The following DOCK9 variants were observed in gnomAD, a reference collection of about 807,000 sequenced individuals.
DOCK9 encodes dedicator of cytokinesis protein 9.
In DOCK9, 89 loss-of-function variants were observed where a neutral mutation model predicts 263.3. The observed-to-expected ratio is 0.34, with a 90% CI of 0.28 to 0.40. The LOEUF (loss-of-function observed/expected upper bound fraction) is 0.40. Ranked by LOEUF, DOCK9 falls within the 10% of genes least tolerant of loss-of-function variation. The pLI is 1.00. For missense variants in DOCK9, 2,140 were observed against 2,603.4 expected (o/e 0.82, Z 3.87); for synonymous variants, 976 against 973.1 (o/e 1.00, Z -0.06).
upstream of DOCK9, among the ~76,000 whole-genome samples, chr13:98,980,542 T>G (rs1876945788): frequency 6.6e-6 from 1 of 152,262 alleles, no homozygotes; most frequent in African/African-American, 2.4e-5. Flanking sequence ...GCTTTAACCC[T>G]ATCATGGAAG....
At chr13:99,082,397 T>C (rs1366265236) in intron 1 of DOCK9, among the ~76,000 whole-genome samples, 1 of 150,764 alleles carries the variant, frequency 6.6e-6, no homozygotes, top group Non-Finnish European at 1.5e-5. Flanking sequence ...TGGGCGCCTA[T>C]AATCTCAGCT....
At chr13:98,881,778 A>G in intron 24 of DOCK9, 114 bp downstream of exon 24, 2 of 1,269,858 alleles carry the variant, frequency 1.6e-6, no homozygotes, top group Middle Eastern at 3.7e-4. Context: ...CATGGGATCA[A>G]AGACATTTCT....
chr13:98,810,259 T>G lies in DOCK9; in HGVS notation c.5163A>C (p.Ala1721=). ...AGCGCTCGGCTTTCCAGAGTCCATC[T>G]GCGCACTGCTCAAGGAGCTCCATCA... The part of the protein sequence containing the change: ...DVLMELLEQC[A]DGLWKAERYE... Residue 1721 remains alanine (A), a synonymous_variant, in exon 46 of 53, where the codon GCA becomes GCC. Coordinates refer to ENST00000682017, the MANE Select transcript of DOCK9 (RefSeq NM_001366683.2). 1 of 1,613,850 alleles carries G rather than the reference T, an allele frequency of 6.2e-7. No homozygotes were observed. Among genetic ancestry groups the G allele is most frequent in the South Asian group, 1.1e-5 (1 of 91,088 alleles).
upstream of DOCK9, among the ~76,000 whole-genome samples, chr13:98,978,740 A>G (rs1444849707): frequency 3.9e-5 from 6 of 152,316 alleles, no homozygotes; most frequent in East Asian, 1.2e-3. Flanking sequence ...TCTCCCTTCA[A>G]AGAACTTCAC....
chr13:98,797,251 T>C lies in DOCK9; in HGVS notation c.6020A>G (p.Gln2007Arg), dbSNP rs1310990682. 1.2e-6 allele frequency: 2 copies of C among 1,613,798 alleles called. No individual in the cohort carries two copies. The highest frequency in any genetic ancestry group is 2.7e-5 in the African/African-American group (2 of 74,892). Reference protein sequence around the residue: ...KVKLLKEVFRQFVEACGQALA... With the variant: ...KVKLLKEVFRRFVEACGQALA... ...GGCTTGACCGCAAGCTTCCACAAAT[T>C]GCCTGGAATGGTACAGGCGGGAGAA... is the stretch of plus-strand genomic sequence containing the variant. Residue 2007 changes from glutamine (Q) to arginine (R), a missense_variant and splice_region_variant, in exon 52 of 53, where the codon CAA becomes CGA. Gln to Arg is a conservative substitution (Grantham distance 43). Around this residue, in one of 2 missense-constraint regions of DOCK9, gnomAD observed 619 missense variants for 861.8 expected, o/e 0.72. Transcript: ENST00000682017.
intron 28 of DOCK9, 48 bp from the exon 29 acceptor site, chr13:98,868,059 G>A (rs776986425): frequency 3.2e-5 from 50 of 1,579,840 alleles, no homozygotes; most frequent in African/African-American, 2.0e-4. Flanking sequence ...CAAACATTTC[G>A]GAAATTTGGA....
chr13:98,852,001 G>A (rs1165187573), intron 35 of DOCK9, among the ~76,000 whole-genome samples: 2 of 152,054 alleles, frequency 1.3e-5, no homozygotes, highest in Admixed American at 6.5e-5. Flanking sequence ...AAAAATATGT[G>A]TATGACTTTA....
intron 1 of DOCK9, among the ~76,000 whole-genome samples, chr13:99,063,023 C>A (rs534287388): frequency 2.7e-4 from 41 of 152,120 alleles, no homozygotes; most frequent in African/African-American, 9.6e-4. Context: ...GATAAGGGAC[C>A]GAATTAGGAA....
intron 1 of DOCK9, among the ~76,000 whole-genome samples, chr13:99,011,177 G>A (rs944403466): frequency 5.3e-5 from 8 of 151,976 alleles, no homozygotes; most frequent in African/African-American, 1.5e-4. Flanking sequence ...GACTACAGGC[G>A]TGTGCCACCA....
At chr13:98,922,852 T>C (rs551922461) in intron 5 of DOCK9, among the ~76,000 whole-genome samples, 12 of 152,318 alleles carry the variant, frequency 7.9e-5, no homozygotes, top group East Asian at 5.8e-4. Flanking sequence ...TCCCTTTATA[T>C]AGTTCTTTAG....
chr13:98,795,064 T>C (rs187728413), intron 52 of DOCK9, among the ~76,000 whole-genome samples: 1 of 152,284 alleles, frequency 6.6e-6, no homozygotes, highest in Admixed American at 6.5e-5. Context: ...AGGTGAGGAT[T>C]ATAAGGAGAA....
chr13:99,024,625 A>T (rs1886508402), intron 1 of DOCK9, among the ~76,000 whole-genome samples: 1 of 152,230 alleles, frequency 6.6e-6, no homozygotes, highest in African/African-American at 2.4e-5. Context: ...TCATTGTGGC[A>T]GTATAGAAAT....
intron 1 of DOCK9, among the ~76,000 whole-genome samples, chr13:99,014,907 C>A (rs1254881365): frequency 6.6e-6 from 1 of 152,176 alleles, no homozygotes; most frequent in Non-Finnish European, 1.5e-5. Flanking sequence ...CCCTTCACCC[C>A]AAAACATGTT....
At chr13:98,908,332 T>C (rs972380602) in intron 9 of DOCK9, among the ~76,000 whole-genome samples, 23 of 152,136 alleles carry the variant, frequency 1.5e-4, no homozygotes, top group African/African-American at 5.1e-4. Flanking sequence ...GTTTAAAGCA[T>C]TAAAAACACA....
At chr13:99,051,370 C>T (rs1342398062) in intron 1 of DOCK9, among the ~76,000 whole-genome samples, 1 of 152,062 alleles carries the variant, frequency 6.6e-6, no homozygotes, top group Admixed American at 6.6e-5. Context: ...GTCCCTGAAG[C>T]AGACAGAGCC....
chr13:99,040,606 C>T (rs1295758507), intron 1 of DOCK9, among the ~76,000 whole-genome samples: 1 of 152,118 alleles, frequency 6.6e-6, no homozygotes. Context: ...TTCATGGATC[C>T]CCCAGAATTC....
chr13:98,903,548 C>T (rs2048624009), intron 10 of DOCK9, among the ~76,000 whole-genome samples: 1 of 141,674 alleles, frequency 7.1e-6, no homozygotes, highest in Non-Finnish European at 1.5e-5. Context: ...TGCAGTGAGC[C>T]GAGATTGCAC....
At chr13:98,947,081 C>T (rs1010266489) in intron 2 of DOCK9, among the ~76,000 whole-genome samples, 1 of 152,186 alleles carries the variant, frequency 6.6e-6, no homozygotes, top group Non-Finnish European at 1.5e-5. Context: ...GCGTTTCCAG[C>T]CACTTCAAGA....
chr13:98,884,446 GCTTT>G (rs2142859045), intron 21 of DOCK9, among the ~76,000 whole-genome samples: 1 of 152,202 alleles, frequency 6.6e-6, no homozygotes, highest in East Asian at 1.9e-4. Flanking sequence ...AAAAGAACAG[GCTTT>G]ATTTAAGCAT....
Sources: allele counts gnomAD v4.1 joint callset (sites outside exome capture counted in the v4.1 genomes callset), GRCh38; gene constraint gnomAD v4.1.1; regional missense constraint gnomAD v4.1.1; transcripts MANE v1.5; gene names NCBI Gene and HGNC (gene_info 2026-07-23, HGNC 2026-07-21).